Variants in ANO10 observed in about 807,000 individuals in gnomAD.
ANO10 encodes anoctamin-10.
A neutral mutation model predicts 74.7 loss-of-function variants in ANO10; 77 were observed. That is an observed-to-expected ratio of 1.03 (90% CI 0.86 to 1.25). The LOEUF (loss-of-function observed/expected upper bound fraction) is 1.25. ANO10 is among the 50% of genes most tolerant of loss of function. The probability of loss-of-function intolerance (pLI) is 0.00; values close to 1 mark genes in which losing one functional copy is unlikely to be tolerated. For synonymous variants in ANO10, 279 were observed against 284.9 expected (o/e 0.98, Z 0.21); for missense variants, 721 against 778.1 (o/e 0.93, Z 0.87).
At chr3:43,497,444 C>A (rs1259609797) in intron 11 of ANO10, among the ~76,000 whole-genome samples, 1 of 152,214 alleles carries the variant, frequency 6.6e-6, no homozygotes, top group Non-Finnish European at 1.5e-5. Flanking sequence ...AGAGTTTCAA[C>A]CTCTGGCAAG....
At chr3:43,430,147 A>G (rs2092959312) in intron 12 of ANO10, among the ~76,000 whole-genome samples, 1 of 152,060 alleles carries the variant, frequency 6.6e-6, no homozygotes, top group East Asian at 1.9e-4. Context: ...CTTTCCTTTC[A>G]TTACTGGACT....
intron 1 of ANO10, among the ~76,000 whole-genome samples, chr3:43,663,384 C>A (rs2083949897): frequency 1.3e-5 from 2 of 152,150 alleles, no homozygotes; most frequent in South Asian, 4.1e-4. Context: ...ATCAATGGAA[C>A]ATATCTCAAC....
intron 11 of ANO10, among the ~76,000 whole-genome samples, chr3:43,465,288 G>A (rs979660703): frequency 5.9e-5 from 9 of 152,154 alleles, no homozygotes; most frequent in Non-Finnish European, 1.2e-4. Context: ...ATCATAGACA[G>A]TATTTACACA....
intron 11 of ANO10, among the ~76,000 whole-genome samples, chr3:43,531,443 C>G (rs1207646315): frequency 6.6e-6 from 1 of 152,064 alleles, no homozygotes; most frequent in African/African-American, 2.4e-5. Context: ...CTTCTAATGT[C>G]TATGGAAGAG....
Position 43,617,590 on chromosome 3 carries a change from A to G in ANO10, c.-12+4319T>C, listed in dbSNP as rs1219634719. Among the ~76,000 whole-genome samples the G allele has an allele frequency of 2.6e-5, 4 of 151,860 alleles. No individual in the cohort carries two copies. The East Asian group carries it at 7.7e-4, about 29-fold the overall frequency. On this transcript the variant is annotated intron_variant, in intron 1 of 12. Transcript: ENST00000292246. ...GTAAAGTCTGACCATTGTGGTCAAGATGTAGAGAAACACACTGTGAGTTCA... is the reference window on the plus strand; with the variant it reads ...GTAAAGTCTGACCATTGTGGTCAAGGTGTAGAGAAACACACTGTGAGTTCA...
At chr3:43,641,470 G>C (rs2083669346) in intron 1 of ANO10, among the ~76,000 whole-genome samples, 1 of 152,190 alleles carries the variant, frequency 6.6e-6, no homozygotes, top group South Asian at 2.1e-4. Flanking sequence ...GAGAACCTGT[G>C]TTTCCCAACT....
At chr3:43,403,344 G>A (rs946930495) in intron 12 of ANO10, among the ~76,000 whole-genome samples, 1 of 152,256 alleles carries the variant, frequency 6.6e-6, no homozygotes, top group African/African-American at 2.4e-5. Flanking sequence ...CACACTGGAA[G>A]CTTTTGGTCT....
At chr3:43,558,110 GA>G (rs781606523) in intron 9 of ANO10, among the ~76,000 whole-genome samples, 2,611 of 55,974 alleles carry the variant, frequency 0.047, 51 homozygotes, top group African/African-American at 0.13. Context: ...TGTCTCACCA[GA>G]AAAAAAAAAA....
chr3:43,470,083 A>C (rs2075789308), intron 11 of ANO10, among the ~76,000 whole-genome samples: 1 of 152,246 alleles, frequency 6.6e-6, no homozygotes, highest in Non-Finnish European at 1.5e-5. Flanking sequence ...AGCAATTAGA[A>C]TGTCTTTCAG....
chr3:43,395,478 G>A (rs558667841), intron 12 of ANO10, among the ~76,000 whole-genome samples: 3 of 152,204 alleles, frequency 2.0e-5, no homozygotes, highest in African/African-American at 7.2e-5. Context: ...TATGATGTAT[G>A]GGTCCATGTT....
intron 4 of ANO10, among the ~76,000 whole-genome samples, chr3:43,596,168 G>A (rs1413922997): frequency 4.6e-5 from 7 of 152,214 alleles, no homozygotes; most frequent in East Asian, 1.9e-4. Context: ...AATCAATATC[G>A]TGAAAATAGC....
chr3:43,677,954 T>C (rs1296211431), intron 1 of ANO10, among the ~76,000 whole-genome samples: 1 of 152,204 alleles, frequency 6.6e-6, no homozygotes, highest in Non-Finnish European at 1.5e-5. Flanking sequence ...AAACAAACAC[T>C]AATCAACATG....
rs565930591 is a variant in ANO10 at position 43,565,826 on chromosome 3, G to C, written c.1219-99C>G. ...CATTTAAAAATGTAATGGGAGCGGGGAGGAGCCAAGAGGGCCGAATAGGAA... is the reference window on the plus strand; with the variant it reads ...CATTTAAAAATGTAATGGGAGCGGGCAGGAGCCAAGAGGGCCGAATAGGAA... On this transcript the variant is annotated intron_variant, in intron 7 of 12. Coordinates refer to ENST00000292246, the MANE Select transcript of ANO10 (RefSeq NM_018075.5). The C allele has an allele frequency of 1.1e-5, 14 of 1,272,528 alleles. No homozygotes were observed. The South Asian group carries it at 1.5e-4, about 13-fold the overall frequency. The allele number at this position is 1,272,528 out of a possible 1,614,324, so 78.8% of individuals were successfully genotyped here.
At chr3:43,437,308 C>G (rs1163076133) in intron 11 of ANO10, among the ~76,000 whole-genome samples, 1 of 152,070 alleles carries the variant, frequency 6.6e-6, no homozygotes, top group African/African-American at 2.4e-5. Flanking sequence ...CAAAGAAGGC[C>G]CAATGTCAGA....
intron 1 of ANO10, among the ~76,000 whole-genome samples, chr3:43,685,360 A>G (rs1424877413): frequency 6.6e-6 from 1 of 152,200 alleles, no homozygotes; most frequent in Non-Finnish European, 1.5e-5. Flanking sequence ...GTACTTCCAT[A>G]TTAGTATATA....
chr3:43,488,780 G>C (rs935200216), intron 11 of ANO10, among the ~76,000 whole-genome samples: 2 of 152,138 alleles, frequency 1.3e-5, no homozygotes, highest in African/African-American at 4.8e-5. Flanking sequence ...CAGGGATCTA[G>C]AACTGGAAAT....
chr3:43,654,524 A>C (rs746923218), intron 1 of ANO10, among the ~76,000 whole-genome samples: 3 of 152,236 alleles, frequency 2.0e-5, no homozygotes, highest in Non-Finnish European at 4.4e-5. Flanking sequence ...CAAACTACAA[A>C]TGCTTCTCAT....
intron 12 of ANO10, among the ~76,000 whole-genome samples, chr3:43,413,809 T>C (rs1329346550): frequency 1.3e-5 from 2 of 151,620 alleles, no homozygotes; most frequent in Non-Finnish European, 2.9e-5. Context: ...GGATTAGATC[T>C]ATTTTCACCT....
chr3:43,511,077 A>G (rs1246559739), intron 11 of ANO10, among the ~76,000 whole-genome samples: 5 of 152,232 alleles, frequency 3.3e-5, no homozygotes, highest in Non-Finnish European at 7.3e-5. Flanking sequence ...TATAAGCAAC[A>G]TTCAAAATTT....
Sources: gnomAD v4.1 joint callset for allele counts (sites outside exome capture counted in the v4.1 genomes callset) on GRCh38, gnomAD v4.1.1 for gene constraint, MANE v1.5 for transcripts, NCBI Gene and HGNC (gene_info 2026-07-23, HGNC 2026-07-21) for gene names.